Variants in GRIN3A observed in about 807,000 individuals in gnomAD.
GRIN3A encodes glutamate ionotropic receptor NMDA type subunit 3A.
A neutral mutation model predicts 92.4 loss-of-function variants in GRIN3A; 47 were observed. The observed-to-expected ratio is 0.51, with a 90% CI of 0.40 to 0.65. The LOEUF is 0.65. Ranked by LOEUF, GRIN3A falls within the 30% of genes least tolerant of loss-of-function variation. GRIN3A has a pLI of 0.00. For synonymous variants in GRIN3A, 527 were observed against 540.6 expected (o/e 0.97, Z 0.35); for missense variants, 1,324 against 1,393.1 (o/e 0.95, Z 0.79).
chr9:101,617,433 T>A (rs56052939), intron 5 of GRIN3A, among the ~76,000 whole-genome samples: 25,160 of 151,898 alleles, frequency 0.17, 2,357 homozygotes, highest in Non-Finnish European at 0.21. Flanking sequence ...GATTCCCTAA[T>A]GAAAAAGCTA....
At chr9:101,655,582 C>G (rs2118924543) in intron 3 of GRIN3A, among the ~76,000 whole-genome samples, 1 of 152,006 alleles carries the variant, frequency 6.6e-6, no homozygotes, top group South Asian at 2.1e-4. Flanking sequence ...TGAGGCAGCA[C>G]ATTGTCCCAA....
chr9:101,610,525 G>T (rs1248113314), intron 6 of GRIN3A, among the ~76,000 whole-genome samples: 2 of 152,036 alleles, frequency 1.3e-5, no homozygotes, highest in Non-Finnish European at 2.9e-5. Flanking sequence ...TGGCTTCCAG[G>T]ATAATCAGAA....
intron 8 of GRIN3A, among the ~76,000 whole-genome samples, chr9:101,576,266 G>A (rs1312946371): frequency 2.6e-5 from 4 of 152,140 alleles, no homozygotes; most frequent in African/African-American, 9.7e-5. Context: ...ATACTCCACT[G>A]GACTATTCCA....
intron 1 of GRIN3A, among the ~76,000 whole-genome samples, chr9:101,693,455 A>G (rs911844927): frequency 1.3e-5 from 2 of 151,874 alleles, no homozygotes; most frequent in Non-Finnish European, 1.5e-5. Context: ...CAAAACCACA[A>G]TTTGTTGGAC....
chr9:101,594,986 G>C, intron 6 of GRIN3A: 1 of 1,548,292 alleles, frequency 6.5e-7, no homozygotes, highest in Non-Finnish European at 8.7e-7. Context: ...GGTGAGCTCG[G>C]GCGGGGCTCG....
chr9:101,736,232 T>C (rs2119050994), intron 1 of GRIN3A, among the ~76,000 whole-genome samples: 1 of 152,362 alleles, frequency 6.6e-6, no homozygotes, highest in African/African-American at 2.4e-5. Flanking sequence ...CCCAGACTTT[T>C]CTCAGTTTCT....
chr9:101,696,685 C>T (rs990608227), intron 1 of GRIN3A, among the ~76,000 whole-genome samples: 33 of 152,070 alleles, frequency 2.2e-4, no homozygotes, highest in Non-Finnish European at 3.7e-4. Flanking sequence ...TTGAAATATG[C>T]ACCAGATAAT....
At chr9:101,719,621 CCTGGCTTGAG>C (rs1304968061) in intron 1 of GRIN3A, among the ~76,000 whole-genome samples, 1 of 152,044 alleles carries the variant, frequency 6.6e-6, no homozygotes, top group Non-Finnish European at 1.5e-5. Flanking sequence ...TAATGGTTCC[CCTGGCTTGAG>C]CTCAGGGCTA....
chr9:101,655,644 C>G (rs1173675172), intron 3 of GRIN3A, among the ~76,000 whole-genome samples: 1 of 151,798 alleles, frequency 6.6e-6, no homozygotes, highest in Admixed American at 6.6e-5. Flanking sequence ...CAGCTTGATC[C>G]TTGGAAAAAT....
Position 101,699,832 on chromosome 9 carries a change from CA to C in GRIN3A, c.700-12633del, listed in dbSNP as rs1829732158. Among the ~76,000 whole-genome samples, 6 of 152,234 alleles carry C rather than the reference CA, an allele frequency of 3.9e-5. No homozygotes were observed. The South Asian group carries it at 1.2e-3, about 32-fold the overall frequency. ...TTTCTGATGACCTTCAAAGCCATTC[CA>C]AAAAAACTTGGAATTCCCCAAATGC... On this transcript the variant is annotated intron_variant, in intron 1 of 8. Coordinates refer to ENST00000361820, the MANE Select transcript of GRIN3A (RefSeq NM_133445.3).
chr9:101,694,940 C>T (rs1043495409), intron 1 of GRIN3A, among the ~76,000 whole-genome samples: 11 of 152,210 alleles, frequency 7.2e-5, no homozygotes, highest in South Asian at 6.2e-4. Context: ...TCTTCAGGAG[C>T]GTCTAGAAAG....
intron 1 of GRIN3A, among the ~76,000 whole-genome samples, chr9:101,690,118 G>A (rs1829596249): frequency 6.6e-6 from 1 of 151,902 alleles, no homozygotes; most frequent in Admixed American, 6.6e-5. Flanking sequence ...GAGAGAGGTG[G>A]GAGGGAGAAA....
intron 6 of GRIN3A, among the ~76,000 whole-genome samples, chr9:101,609,856 T>A (rs1828336444): frequency 1.3e-5 from 2 of 152,224 alleles, no homozygotes; most frequent in African/African-American, 4.8e-5. Flanking sequence ...TGCTCTCAAA[T>A]TTTTTAAATT....
intron 3 of GRIN3A, among the ~76,000 whole-genome samples, chr9:101,665,636 C>G (rs1213495333): frequency 1.3e-5 from 2 of 151,768 alleles, no homozygotes; most frequent in Non-Finnish European, 2.9e-5. Flanking sequence ...AATGTCACCT[C>G]CCATTGAGAT....
Position 101,571,415 on chromosome 9 carries a change from T to TGA in GRIN3A, c.*1757_*1758dup, listed in dbSNP as rs1254946185. ...GTAGTAGAGGGAGAAGTTTTGTGAC[T>TGA]GAGACACCTTTCCAGTGATCTCCAG... is the stretch of plus-strand genomic sequence containing the variant. On this transcript the variant is annotated 3_prime_UTR_variant, in exon 9 of 9. Coordinates refer to ENST00000361820, the MANE Select transcript of GRIN3A (RefSeq NM_133445.3). 1 of 152,234 alleles carries TGA rather than the reference T, an allele frequency of 6.6e-6. No individual in the cohort carries two copies. The highest frequency in any genetic ancestry group is 1.5e-5 in the Non-Finnish European group (1 of 68,042). The allele number at this position is 152,234 out of a possible 1,614,324, so 9.4% of individuals were successfully genotyped here.
intron 1 of GRIN3A, among the ~76,000 whole-genome samples, chr9:101,712,944 T>C (rs963132231): frequency 6.6e-6 from 1 of 152,196 alleles, no homozygotes. Flanking sequence ...AAGATTCCTA[T>C]CTTTGTGAAT....
chr9:101,726,207 C>A (rs1337426102), intron 1 of GRIN3A, among the ~76,000 whole-genome samples: 2 of 152,098 alleles, frequency 1.3e-5, no homozygotes, highest in Non-Finnish European at 2.9e-5. Context: ...ATAATTTGAA[C>A]TAAGAGATAT....
rs1239981479 is a variant in GRIN3A at position 101,737,467 on chromosome 9, C to T, written c.513G>A (p.Ser171=). ...LPLLPFSSPS[S]PWSSDPFSFL... ...AGGAGAAAGGGTCACTGCTCCATGG[C>T]GAACTAGGGGAGGAGAAGGGCAAAA... is the stretch of plus-strand genomic sequence containing the variant. Residue 171 remains serine, a synonymous_variant, in exon 1 of 9, where the codon TCG becomes TCA. Transcript: ENST00000361820. 5.0e-6 allele frequency: 8 copies of T among 1,614,238 alleles called. No homozygotes were observed. The South Asian group carries it at 7.7e-5, about 16-fold the overall frequency.
intron 2 of GRIN3A, among the ~76,000 whole-genome samples, chr9:101,672,982 T>G (rs1829349098): frequency 6.6e-6 from 1 of 152,158 alleles, no homozygotes; most frequent in Non-Finnish European, 1.5e-5. Context: ...AGAAATCTAC[T>G]TTTAGATTTG....
Sources: allele counts gnomAD v4.1 joint callset (sites outside exome capture counted in the v4.1 genomes callset), GRCh38; gene constraint gnomAD v4.1.1; transcripts MANE v1.5; gene names NCBI Gene and HGNC (gene_info 2026-07-23, HGNC 2026-07-21).